Variants in PLEKHA5 observed in about 807,000 individuals in gnomAD.
PLEKHA5 encodes the protein pleckstrin homology domain-containing family A member 5.
PLEKHA5 carries 55 observed loss-of-function variants against 181.9 expected under a neutral mutation model. That is an observed-to-expected ratio of 0.30 (90% CI 0.24 to 0.38). The LOEUF (loss-of-function observed/expected upper bound fraction) is 0.38. Among genes scored for constraint, PLEKHA5 ranks in the 10% least tolerant of loss-of-function variants. The probability of loss-of-function intolerance (pLI) is 1.00; values close to 1 mark genes in which losing one functional copy is unlikely to be tolerated. For missense variants in PLEKHA5, 1,432 were observed against 1,549.5 expected (o/e 0.92, Z 1.27); for synonymous variants, 535 against 529.4 (o/e 1.01, Z -0.15).
In PLEKHA5 at chr12:19,320,540, CTA is replaced by C; in HGVS notation, c.2155-18_2155-17del. On this transcript the variant is annotated intron_variant, in intron 17 of 31. Transcript: ENST00000429027. Reference sequence around the variant, plus strand: ...TTTTTAAATAAGATTTTTTAAGTTGCTATATGATTTTTTTCTTATAGCTGTCA... The same window carrying C: ...TTTTTAAATAAGATTTTTTAAGTTGCTATGATTTTTTTCTTATAGCTGTCA... The C allele has an allele frequency of 8.3e-7, 1 of 1,205,784 alleles. No individual in the cohort carries two copies. Among genetic ancestry groups the C allele is most frequent in the East Asian group, 2.4e-5 (1 of 42,140 alleles). The allele number at this position is 1,205,784 out of a possible 1,614,324, so 74.7% of individuals were successfully genotyped here.
chr12:19,322,348 G>A lies in PLEKHA5; in HGVS notation c.2256G>A (p.Val752=), dbSNP rs1429100276. 6.2e-7 allele frequency: 1 copy of A among 1,613,540 alleles called. No homozygotes were observed. The highest frequency in any genetic ancestry group is 2.2e-5 in the East Asian group (1 of 44,864). Residue 752 remains valine (V), a synonymous_variant, in exon 19 of 32, where the codon GTG becomes GTA. Transcript: ENST00000429027. ...LSRLCEQDKV[V]HALEEKLQQL... The stretch of plus-strand genomic sequence containing the variant: ...GATTATGTGAACAAGATAAAGTGGT[G>A]CATGCTCTGGAAGAGAAACTTCAGC...
intron 3 of PLEKHA5, among the ~76,000 whole-genome samples, chr12:19,198,798 A>C (rs1291516250): frequency 6.6e-6 from 1 of 152,168 alleles, no homozygotes; most frequent in African/African-American, 2.4e-5. Flanking sequence ...GAGCGCTAAG[A>C]AATATTTATT....
intron 10 of PLEKHA5, among the ~76,000 whole-genome samples, chr12:19,273,191 C>G (rs4638402): frequency 0.86 from 131,134 of 152,062 alleles, 58,035 homozygotes; most frequent in Middle Eastern, 0.98. Context: ...TTACAGGCAT[C>G]AGTGGCCACA....
chr12:19,205,943 T>C (rs1242451267), intron 3 of PLEKHA5, among the ~76,000 whole-genome samples: 4 of 152,096 alleles, frequency 2.6e-5, no homozygotes, highest in African/African-American at 7.2e-5. Flanking sequence ...AAAAAGGTCG[T>C]TTAAAAATGA....
intron 3 of PLEKHA5, among the ~76,000 whole-genome samples, chr12:19,237,259 GA>G (rs1362236554): frequency 6.6e-6 from 1 of 152,082 alleles, no homozygotes; most frequent in Non-Finnish European, 1.5e-5. Flanking sequence ...GCAAATGCTT[GA>G]ACATTTTAAG....
At chr12:19,151,575 A>C (rs10505837) in intron 3 of PLEKHA5, 1 of 151,886 alleles carries the variant, frequency 6.6e-6, no homozygotes, top group African/African-American at 2.4e-5. Flanking sequence ...TGAACTCTTA[A>C]TAGCTTACAT....
At chr12:19,171,709 T>C (rs1442966981) in intron 3 of PLEKHA5, among the ~76,000 whole-genome samples, 7 of 152,220 alleles carry the variant, frequency 4.6e-5, no homozygotes, top group Non-Finnish European at 8.8e-5. Context: ...TTGACTCTTG[T>C]AATAACAATT....
At chr12:19,239,272 G>A (rs915048144) in intron 3 of PLEKHA5, among the ~76,000 whole-genome samples, 1 of 152,246 alleles carries the variant, frequency 6.6e-6, no homozygotes, top group Non-Finnish European at 1.5e-5. Flanking sequence ...GCCCTGCGTT[G>A]TACTCTGCTG....
intron 18 of PLEKHA5, 77 bp from the exon 19 acceptor site, chr12:19,322,233 G>T (rs1188816203): frequency 1.5e-5 from 12 of 807,508 alleles, no homozygotes; most frequent in Non-Finnish European, 2.3e-5. Flanking sequence ...TAGATTTTTG[G>T]TCATATAATG....
chr12:19,150,067 T>G (rs1458109485), intron 3 of PLEKHA5: 6 of 152,258 alleles, frequency 3.9e-5, no homozygotes, highest in African/African-American at 1.2e-4. Flanking sequence ...CAGCTAAAGT[T>G]TAGGTTCTTC....
chr12:19,306,390 G>C, intron 15 of PLEKHA5: 2 of 514,656 alleles, frequency 3.9e-6, no homozygotes, highest in Non-Finnish European at 7.5e-6. Flanking sequence ...CCTCCCCCGC[G>C]GCGTGCAGTG....
At chr12:19,289,579 G>A (rs1026688976) in intron 13 of PLEKHA5, among the ~76,000 whole-genome samples, 2 of 152,102 alleles carry the variant, frequency 1.3e-5, no homozygotes, top group Non-Finnish European at 2.9e-5. Flanking sequence ...ATATTTTATG[G>A]GCTATAAGAA....
intron 3 of PLEKHA5, among the ~76,000 whole-genome samples, chr12:19,245,909 A>C (rs1026357388): frequency 6.6e-6 from 1 of 151,758 alleles, no homozygotes; most frequent in African/African-American, 2.4e-5. Context: ...TCTCTTTGAA[A>C]TCATAAGTAT....
chr12:19,324,071 C>T (rs1182161835), intron 20 of PLEKHA5, among the ~76,000 whole-genome samples: 1 of 152,166 alleles, frequency 6.6e-6, no homozygotes, highest in Admixed American at 6.5e-5. Flanking sequence ...TATAAAACTG[C>T]TCCCAAACCC....
intron 3 of PLEKHA5, among the ~76,000 whole-genome samples, chr12:19,140,363 A>G (rs1432068707): frequency 6.6e-6 from 1 of 152,206 alleles, no homozygotes; most frequent in African/African-American, 2.4e-5. Flanking sequence ...ATTTTAAAAT[A>G]CTGAAATCAG....
chr12:19,143,337 C>A (rs1170698399), intron 3 of PLEKHA5, among the ~76,000 whole-genome samples: 1 of 152,154 alleles, frequency 6.6e-6, no homozygotes, highest in Non-Finnish European at 1.5e-5. Context: ...CAGAATGATT[C>A]CAAATCAAAT....
At chr12:19,306,412 AG>A in intron 15 of PLEKHA5, 1 of 553,838 alleles carries the variant, frequency 1.8e-6, no homozygotes, top group Non-Finnish European at 3.5e-6. Context: ...GGTAGAGAAA[AG>A]GTGGCGACGG....
chr12:19,236,368 A>G (rs555281084), intron 3 of PLEKHA5, among the ~76,000 whole-genome samples: 1 of 152,286 alleles, frequency 6.6e-6, no homozygotes, highest in South Asian at 2.1e-4. Flanking sequence ...AATGGAGATC[A>G]CTACTATAGA....
intron 3 of PLEKHA5, among the ~76,000 whole-genome samples, chr12:19,164,753 C>A (rs983667855): frequency 4.6e-5 from 7 of 152,116 alleles, no homozygotes; most frequent in Admixed American, 4.6e-4. Flanking sequence ...TATCTGTTCT[C>A]CCTGAGTGGC....
Sources: gnomAD v4.1 joint callset for allele counts (sites outside exome capture counted in the v4.1 genomes callset) on GRCh38, gnomAD v4.1.1 for gene constraint, MANE v1.5 for transcripts, NCBI Gene and HGNC (gene_info 2026-07-23, HGNC 2026-07-21) for gene names.